ADAMTSL3: variants seen among roughly 807,000 people sequenced by gnomAD.
ADAMTSL3 encodes the protein ADAMTS-like protein 3.
A neutral mutation model predicts 201.7 loss-of-function variants in ADAMTSL3; 128 were observed. The observed-to-expected ratio is 0.63, with a 90% CI of 0.55 to 0.73. The LOEUF (loss-of-function observed/expected upper bound fraction) is 0.73. ADAMTSL3 is among the 30% of genes least tolerant of loss of function. The probability of loss-of-function intolerance (pLI) is 0.00; values close to 1 mark genes in which losing one functional copy is unlikely to be tolerated. For synonymous variants in ADAMTSL3, 738 were observed against 748.4 expected (o/e 0.99, Z 0.23); for missense variants, 1,990 against 2,119.6 (o/e 0.94, Z 1.20).
At chr15:83,770,640 G>A (rs2062966626) in intron 3 of ADAMTSL3, among the ~76,000 whole-genome samples, 1 of 152,114 alleles carries the variant, frequency 6.6e-6, no homozygotes, top group African/African-American at 2.4e-5. Context: ...AACTATTGGT[G>A]TAGGTATATC....
At chr15:83,793,758 T>G (rs1388914494) in intron 4 of ADAMTSL3, among the ~76,000 whole-genome samples, 1 of 152,166 alleles carries the variant, frequency 6.6e-6, no homozygotes, top group African/African-American at 2.4e-5. Context: ...ATTATGGGTA[T>G]GTATCTGTTG....
chr15:83,876,183 T>C (rs1476607851), intron 9 of ADAMTSL3, among the ~76,000 whole-genome samples: 1 of 152,204 alleles, frequency 6.6e-6, no homozygotes, highest in East Asian at 1.9e-4. Flanking sequence ...AACAATCTCC[T>C]CTTTACCTAT....
intron 12 of ADAMTSL3, among the ~76,000 whole-genome samples, chr15:83,892,339 G>A (rs1282124504): frequency 6.6e-6 from 1 of 151,864 alleles, no homozygotes; most frequent in Admixed American, 6.6e-5. Flanking sequence ...AGATTAGCCT[G>A]GCCAACATTG....
intron 2 of ADAMTSL3, among the ~76,000 whole-genome samples, chr15:83,677,924 T>C (rs144942256): frequency 1.3e-3 from 198 of 150,454 alleles, no homozygotes; most frequent in Middle Eastern, 3.4e-3. Context: ...GATTTTTCTA[T>C]GGGAGTTTTC....
chr15:83,878,612 TCA>T (rs1491178884), intron 9 of ADAMTSL3, among the ~76,000 whole-genome samples: 37 of 93,608 alleles, frequency 4.0e-4, no homozygotes, highest in Non-Finnish European at 5.8e-4. Flanking sequence ...AGACGCCATT[TCA>T]AAAAAAAAAA....
Position 83,964,585 on chromosome 15 carries a change from T to A in ADAMTSL3, c.2491-5899T>A, listed in dbSNP as rs2067040839. On this transcript the variant is annotated intron_variant, in intron 19 of 29. Coordinates refer to ENST00000286744, the MANE Select transcript of ADAMTSL3 (RefSeq NM_207517.3). Reference sequence around the variant, plus strand: ...AAAGTGAGGGGAGAATGGAACCAAGTTGGAAAACACTCTTCAGGATATTAT... The same window carrying A: ...AAAGTGAGGGGAGAATGGAACCAAGATGGAAAACACTCTTCAGGATATTAT... Among the ~76,000 whole-genome samples, 2 of 152,234 alleles carry A rather than the reference T, an allele frequency of 1.3e-5. 1 individual carries two copies. Among genetic ancestry groups the A allele is most frequent in the South Asian group, 4.2e-4 (2 of 4,818 alleles).
intron 23 of ADAMTSL3, among the ~76,000 whole-genome samples, chr15:84,001,597 A>G (rs1462827115): frequency 3.3e-5 from 5 of 152,212 alleles, no homozygotes; most frequent in Non-Finnish European, 7.3e-5. Context: ...AATAGGCACC[A>G]CGCAGGAGGT....
At chr15:83,971,882 A>T (rs2067203111) in intron 20 of ADAMTSL3, among the ~76,000 whole-genome samples, 1 of 148,518 alleles carries the variant, frequency 6.7e-6, no homozygotes, top group African/African-American at 2.4e-5. Context: ...ACATATATAT[A>T]TATATGTCTT....
At chr15:83,892,164 C>G (rs2065512915) in intron 12 of ADAMTSL3, among the ~76,000 whole-genome samples, 1 of 151,302 alleles carries the variant, frequency 6.6e-6, no homozygotes, top group Non-Finnish European at 1.5e-5. Flanking sequence ...TGCAGTGAGC[C>G]AAGATCTTGC....
chr15:83,862,119 T>G (rs2141791326), intron 8 of ADAMTSL3: 1 of 152,126 alleles, frequency 6.6e-6, no homozygotes, highest in Non-Finnish European at 1.5e-5. Context: ...TGGGACTATG[T>G]GAAAAGACCA....
At chr15:83,903,702 G>C (rs2065771495) in intron 15 of ADAMTSL3, among the ~76,000 whole-genome samples, 1 of 151,816 alleles carries the variant, frequency 6.6e-6, no homozygotes, top group Admixed American at 6.6e-5. Flanking sequence ...TGTATCACTT[G>C]AACTCAGGAG....
At chr15:83,973,623 A>G (rs953493924) in intron 20 of ADAMTSL3, among the ~76,000 whole-genome samples, 2 of 152,186 alleles carry the variant, frequency 1.3e-5, no homozygotes, top group South Asian at 4.1e-4. Context: ...GAAATTCACC[A>G]TAGCAACTAT....
At chr15:83,867,430 A>AT (rs1314835363) in intron 8 of ADAMTSL3, among the ~76,000 whole-genome samples, 1 of 152,224 alleles carries the variant, frequency 6.6e-6, no homozygotes, top group Non-Finnish European at 1.5e-5. Context: ...TGCAAAACAG[A>AT]TTTTATTGTA....
At chr15:83,795,321 G>A (rs2063408308) in intron 4 of ADAMTSL3, among the ~76,000 whole-genome samples, 1 of 152,018 alleles carries the variant, frequency 6.6e-6, no homozygotes, top group Admixed American at 6.6e-5. Flanking sequence ...GAAATTAAGG[G>A]AAATCCATGG....
At position 83,838,215 on chromosome 15, in the gene ADAMTSL3, A is replaced by T; in HGVS notation, c.727A>T (p.Arg243Ter). The T allele has an allele frequency of 6.2e-7, 1 of 1,612,548 alleles. No homozygotes were observed. Among genetic ancestry groups the T allele is most frequent in the Non-Finnish European group, 8.5e-7 (1 of 1,179,326 alleles). The change falls in exon 7 of 30, where the codon AGA becomes TGA. Residue 243 changes from arginine to a stop codon, truncating the protein, a stop_gained and splice_region_variant. Transcript: ENST00000286744. LOFTEE classifies it high-confidence loss of function. ...QSKSHVSPEK[R>*]EENVIAVPLG... ...AAAGTCACACGTTTCTCCTGAAAAAAGTAGGTTTTAAACCCAATACGTTAT... is the reference window on the plus strand; with the variant it reads ...AAAGTCACACGTTTCTCCTGAAAAATGTAGGTTTTAAACCCAATACGTTAT...
At chr15:83,695,148 GTA>G (rs1296988485) in intron 2 of ADAMTSL3, among the ~76,000 whole-genome samples, 4 of 77,550 alleles carry the variant, frequency 5.2e-5, no homozygotes, top group African/African-American at 1.5e-4. Flanking sequence ...TGTGGTGTAG[GTA>G]TGTGTGTGTG....
intron 2 of ADAMTSL3, among the ~76,000 whole-genome samples, chr15:83,699,961 TA>T (rs776748817): frequency 2.0e-4 from 30 of 152,252 alleles, no homozygotes; most frequent in Non-Finnish European, 3.5e-4. Context: ...TTAGTTTTCT[TA>T]TTTATGTATT....
intron 15 of ADAMTSL3, among the ~76,000 whole-genome samples, chr15:83,911,895 G>T (rs2065941524): frequency 6.6e-6 from 1 of 152,132 alleles, no homozygotes; most frequent in Non-Finnish European, 1.5e-5. Context: ...CCACGGACAA[G>T]GGTCTATATT....
intron 5 of ADAMTSL3, among the ~76,000 whole-genome samples, chr15:83,805,926 A>G (rs2063596021): frequency 6.6e-6 from 1 of 152,194 alleles, no homozygotes; most frequent in Non-Finnish European, 1.5e-5. Flanking sequence ...AGTCCTTGCT[A>G]CAGGAGAACG....
Sources: allele counts gnomAD v4.1 joint callset (sites outside exome capture counted in the v4.1 genomes callset), GRCh38; gene constraint gnomAD v4.1.1; transcripts MANE v1.5; gene names NCBI Gene and HGNC (gene_info 2026-07-23, HGNC 2026-07-21).